The following ERCC6L2 variants were observed in gnomAD, a reference collection of about 807,000 sequenced individuals.
The protein encoded by ERCC6L2 is DNA excision repair protein ERCC-6-like 2.
Under a neutral mutation model 132.0 loss-of-function variants are expected in ERCC6L2, and 77 were observed. The observed-to-expected ratio is 0.58, with a 90% CI of 0.49 to 0.71. ERCC6L2 has a LOEUF of 0.71. Among genes scored for constraint, ERCC6L2 ranks in the 30% least tolerant of loss-of-function variants. ERCC6L2 has a pLI of 0.00. For missense variants in ERCC6L2, 1,542 were observed against 1,837.6 expected, an observed-to-expected ratio of 0.84 and a Z score of 2.94; for synonymous variants, 583 against 632.4, an observed-to-expected ratio of 0.92 and a Z score of 1.17.
At chr9:95,986,145 C>T (rs1026611321) in intron 17 of ERCC6L2, among the ~76,000 whole-genome samples, 3 of 152,164 alleles carry the variant, frequency 2.0e-5, no homozygotes, top group African/African-American at 7.2e-5. Flanking sequence ...GTGTGTTTAT[C>T]TGCTATAGCC....
At chr9:95,894,617 G>C (rs527471227) in intron 2 of ERCC6L2, among the ~76,000 whole-genome samples, 14 of 118,412 alleles carry the variant, frequency 1.2e-4, no homozygotes, top group African/African-American at 3.8e-4. Flanking sequence ...TTTTTGAGAC[G>C]GAGTTTCACT....
intron 2 of ERCC6L2, among the ~76,000 whole-genome samples, chr9:95,897,608 T>C (rs909076583): frequency 1.3e-5 from 2 of 152,138 alleles, no homozygotes; most frequent in African/African-American, 4.8e-5. Flanking sequence ...AAGAATTCAT[T>C]GGGTAGGTAG....
intron 17 of ERCC6L2, among the ~76,000 whole-genome samples, chr9:95,995,053 T>G (rs1025932284): frequency 6.6e-6 from 1 of 152,348 alleles, no homozygotes; most frequent in African/African-American, 2.4e-5. Context: ...AGATTCCATA[T>G]GTAGCTGAGT....
In ERCC6L2 at chr9:95,919,008, A is replaced by G. The variant is rs562941925; in HGVS notation, c.1159-2167A>G. 3.9e-5 allele frequency among the ~76,000 whole-genome samples: 6 copies of G among 152,310 alleles called. No individual in the cohort carries two copies. The South Asian group carries it at 8.3e-4, about 21-fold the overall frequency. On this transcript the variant is annotated intron_variant, in intron 6 of 18. Coordinates refer to ENST00000653738, the MANE Select transcript of ERCC6L2 (RefSeq NM_020207.7). ...CTCAGTCTCCCAAGTAGCTGGGACT[A>G]CAGGCGCACGCCACCATGCCCGGTT...
chr9:95,901,176 A>C (rs886177831), intron 3 of ERCC6L2, among the ~76,000 whole-genome samples: 4 of 152,078 alleles, frequency 2.6e-5, no homozygotes, highest in African/African-American at 9.7e-5. Context: ...TTAAGTTCAA[A>C]ATTTTCTTTT....
intron 6 of ERCC6L2, among the ~76,000 whole-genome samples, chr9:95,917,711 A>G (rs1037802401): frequency 1.3e-5 from 2 of 152,208 alleles, no homozygotes; most frequent in Admixed American, 6.5e-5. Context: ...CTGAAATCAA[A>G]TACTATTTGA....
At chr9:95,915,563 A>G in intron 4 of ERCC6L2, 105 bp from the exon 5 acceptor site, 3 of 1,241,030 alleles carry the variant, frequency 2.4e-6, no homozygotes, top group Non-Finnish European at 3.3e-6. Flanking sequence ...AGTAAAAAGG[A>G]AAAAATAATT....
chr9:95,960,454 A>T (rs1302178693), intron 13 of ERCC6L2, among the ~76,000 whole-genome samples: 1 of 152,134 alleles, frequency 6.6e-6, no homozygotes, highest in East Asian at 1.9e-4. Flanking sequence ...AGATTCGGGG[A>T]TTATCTTGGA....
intron 17 of ERCC6L2, among the ~76,000 whole-genome samples, chr9:95,979,337 A>G (rs1056837152): frequency 1.3e-5 from 2 of 152,266 alleles, no homozygotes; most frequent in South Asian, 2.1e-4. Flanking sequence ...GAGGGGGCCA[A>G]TGGGGAGGCA....
intron 4 of ERCC6L2, among the ~76,000 whole-genome samples, chr9:95,914,210 T>C (rs1018542177): frequency 6.6e-6 from 1 of 152,206 alleles, no homozygotes; most frequent in Admixed American, 6.5e-5. Flanking sequence ...TATTTCATGT[T>C]TTAATTTGCA....
At chr9:95,964,783 C>A (rs1290151741) in intron 13 of ERCC6L2, among the ~76,000 whole-genome samples, 2 of 152,110 alleles carry the variant, frequency 1.3e-5, no homozygotes, top group African/African-American at 4.8e-5. Flanking sequence ...TGAATTTGAA[C>A]ATGATTTCAT....
At chr9:95,879,714 G>A (rs1053343253) in intron 1 of ERCC6L2, among the ~76,000 whole-genome samples, 1 of 152,110 alleles carries the variant, frequency 6.6e-6, no homozygotes, top group Non-Finnish European at 1.5e-5. Context: ...TTACTTTTAA[G>A]GAACAACTGA....
chr9:95,885,374 T>C (rs968384870), intron 2 of ERCC6L2, among the ~76,000 whole-genome samples: 1 of 152,244 alleles, frequency 6.6e-6, no homozygotes, highest in African/African-American at 2.4e-5. Context: ...CTATCACTCC[T>C]AGATTTCCTC....
chr9:95,922,343 C>T lies in ERCC6L2; in HGVS notation c.1338C>T (p.Leu446=), dbSNP rs1264608218. ...SHGETVKTLY[L]SYLTVLQKVA... Reference sequence around the variant, plus strand: ...GTGAAACAGTGAAAACCTTGTATCTCAGTTACCTTACAGTCCTTCAGAAGG... The same window carrying T: ...GTGAAACAGTGAAAACCTTGTATCTTAGTTACCTTACAGTCCTTCAGAAGG... The change falls in exon 8 of 19, where the codon CTC becomes CTT. Residue 446 remains leucine, a synonymous_variant. Transcript: ENST00000653738. 7.4e-6 allele frequency: 12 copies of T among 1,613,014 alleles called. No homozygotes were observed. The highest frequency in any genetic ancestry group is 5.3e-5 in the African/African-American group (4 of 74,912).
At chr9:95,892,183 C>T (rs991684023) in intron 2 of ERCC6L2, among the ~76,000 whole-genome samples, 1 of 151,774 alleles carries the variant, frequency 6.6e-6, no homozygotes. Context: ...TCTTGGAGAT[C>T]TTTTTATGTT....
intron 4 of ERCC6L2, among the ~76,000 whole-genome samples, chr9:95,911,967 A>G (rs535604781): frequency 1.3e-3 from 198 of 152,206 alleles, no homozygotes; most frequent in Non-Finnish European, 2.5e-3. Context: ...AGCATCATCT[A>G]TTGATTTCTT....
chr9:95,904,991 C>T (rs1332610298), intron 3 of ERCC6L2: 1 of 152,028 alleles, frequency 6.6e-6, no homozygotes, highest in Non-Finnish European at 1.5e-5. Context: ...TAAGAATTAT[C>T]ACCCTTCCCC....
At chr9:95,935,175 AATAG>A (rs1242450840) in intron 11 of ERCC6L2, among the ~76,000 whole-genome samples, 2 of 152,186 alleles carry the variant, frequency 1.3e-5, no homozygotes, top group African/African-American at 4.8e-5. Flanking sequence ...GCATTTAAGA[AATAG>A]ATAGATCAAA....
intron 19 of ERCC6L2, among the ~76,000 whole-genome samples, chr9:96,032,075 C>T (rs1015719927): frequency 6.6e-6 from 1 of 152,226 alleles, no homozygotes; most frequent in Non-Finnish European, 1.5e-5. Context: ...GCGGGGGCTA[C>T]TTCCACATCT....
Sources: allele counts gnomAD v4.1 joint callset (sites outside exome capture counted in the v4.1 genomes callset), GRCh38; gene constraint gnomAD v4.1.1; transcripts MANE v1.5; gene names NCBI Gene and HGNC (gene_info 2026-07-23, HGNC 2026-07-21).